FAF2: variants seen among roughly 807,000 people sequenced by gnomAD.
The protein encoded by FAF2 is Fas associated factor family member 2.
A neutral mutation model predicts 62.3 loss-of-function variants in FAF2; 9 were observed. That is an observed-to-expected ratio of 0.14 (90% CI 0.09 to 0.25). FAF2 has a LOEUF of 0.25. FAF2 is among the 10% of genes least tolerant of loss of function. The probability of loss-of-function intolerance (pLI) is 1.00; values close to 1 mark genes in which losing one functional copy is unlikely to be tolerated. For synonymous variants in FAF2, 202 were observed against 198.0 expected, an observed-to-expected ratio of 1.02 and a Z score of -0.17; for missense variants, 368 against 556.2, an observed-to-expected ratio of 0.66 and a Z score of 3.40.
chr5:176,482,366 C>T (rs1758795286), intron 2 of FAF2, among the ~76,000 whole-genome samples: 1 of 152,008 alleles, frequency 6.6e-6, no homozygotes, highest in Admixed American at 6.6e-5. Context: ...TACAGGTGTC[C>T]CATGCCCGGC....
chr5:176,467,678 C>T (rs1365176908), intron 1 of FAF2, among the ~76,000 whole-genome samples: 1 of 152,190 alleles, frequency 6.6e-6, no homozygotes, highest in Admixed American at 6.5e-5. Flanking sequence ...CTTTATTAAG[C>T]ACTTACTGTA....
At chr5:176,501,119 TA>T (rs990160029) in intron 10 of FAF2, among the ~76,000 whole-genome samples, 96 of 143,486 alleles carry the variant, frequency 6.7e-4, no homozygotes, top group African/African-American at 6.3e-4. Flanking sequence ...AGAGACCCTG[TA>T]AAAAAAAAAA....
chr5:176,494,113 T>C lies in FAF2; in HGVS notation c.569+29T>C, dbSNP rs748708546. The C allele has an allele frequency of 6.2e-7, 1 of 1,611,294 alleles. No homozygotes were observed. Among genetic ancestry groups the C allele is most frequent in the Non-Finnish European group, 8.5e-7 (1 of 1,177,504 alleles). ...AGTGGATTGATTATTTTCCTTCTCT[T>C]TTCTGACTCTTTCTGGTGACAGTTT... On this transcript the variant is annotated intron_variant, in intron 6 of 10. Transcript: ENST00000261942. The surrounding 1 kb of genome is among the most constrained non-coding windows in gnomAD (Gnocchi z 4.0).
At chr5:176,462,848 G>A (rs1581469975) in intron 1 of FAF2, among the ~76,000 whole-genome samples, 1 of 152,118 alleles carries the variant, frequency 6.6e-6, no homozygotes, top group East Asian at 1.9e-4. Context: ...GAAGGGGTGA[G>A]GGATGGGCAG....
intron 1 of FAF2, among the ~76,000 whole-genome samples, chr5:176,477,812 C>G (rs1758729769): frequency 1.3e-5 from 2 of 152,100 alleles, no homozygotes; most frequent in Admixed American, 6.6e-5. Context: ...ATGTGCCTGT[C>G]CGTGGCCATG....
chr5:176,490,704 C>T (rs145400810), intron 4 of FAF2, among the ~76,000 whole-genome samples: 172 of 152,238 alleles, frequency 1.1e-3, no homozygotes, highest in African/African-American at 3.5e-3. Context: ...CTTTCCATCC[C>T]CATTTTATTT....
At chr5:176,492,169 G>A (rs1758981919) in intron 4 of FAF2, 25 bp from the exon 5 acceptor site, 3 of 1,613,852 alleles carry the variant, frequency 1.9e-6, no homozygotes, top group Non-Finnish European at 2.5e-6. Context: ...CTGGATTCAT[G>A]TGATATTTAT....
At chr5:176,459,754 G>T (rs1205398269) in intron 1 of FAF2, among the ~76,000 whole-genome samples, 1 of 151,974 alleles carries the variant, frequency 6.6e-6, no homozygotes, top group Non-Finnish European at 1.5e-5. Context: ...TAGATGAGGG[G>T]GTACATGTGT....
chr5:176,502,971 C>A (rs1321642822), intron 10 of FAF2, among the ~76,000 whole-genome samples: 3 of 151,754 alleles, frequency 2.0e-5, no homozygotes, highest in African/African-American at 7.3e-5. Flanking sequence ...TTGCTTGAAC[C>A]CGGGAGGCAG....
intron 3 of FAF2, among the ~76,000 whole-genome samples, chr5:176,487,119 C>G (rs971482405): frequency 2.0e-5 from 3 of 152,176 alleles, no homozygotes; most frequent in African/African-American, 7.2e-5. Context: ...AAAACACTCC[C>G]TTTAACATTG....
At chr5:176,457,145 T>C (rs1184807136) in intron 1 of FAF2, among the ~76,000 whole-genome samples, 1 of 152,172 alleles carries the variant, frequency 6.6e-6, no homozygotes, top group Non-Finnish European at 1.5e-5. Flanking sequence ...CAGATAGTCT[T>C]TTAGAAGTAG....
intron 1 of FAF2, among the ~76,000 whole-genome samples, chr5:176,478,874 T>C (rs1378843511): frequency 1.3e-5 from 2 of 152,348 alleles, no homozygotes; most frequent in East Asian, 3.9e-4. Context: ...TTAAATAATA[T>C]TTTGCTTAGC....
chr5:176,489,429 C>G (rs148096177), intron 4 of FAF2, among the ~76,000 whole-genome samples: 1 of 152,140 alleles, frequency 6.6e-6, no homozygotes, highest in African/African-American at 2.4e-5. Flanking sequence ...CCTGACTACT[C>G]ACAATCCCAA....
intron 2 of FAF2, among the ~76,000 whole-genome samples, chr5:176,483,860 AGGTC>A (rs1268127475): frequency 6.6e-6 from 1 of 152,140 alleles, no homozygotes; most frequent in Non-Finnish European, 1.5e-5. Context: ...GTGGATCACG[AGGTC>A]GGGAATTTAA....
At chr5:176,468,140 G>A (rs1758504795) in intron 1 of FAF2, among the ~76,000 whole-genome samples, 1 of 152,180 alleles carries the variant, frequency 6.6e-6, no homozygotes, top group Admixed American at 6.5e-5. Context: ...ACTCCAGCCT[G>A]GACGACAAGA....
intron 1 of FAF2, among the ~76,000 whole-genome samples, chr5:176,475,336 T>C (rs1171340526): frequency 6.6e-6 from 1 of 152,050 alleles, no homozygotes; most frequent in Non-Finnish European, 1.5e-5. Flanking sequence ...TTTCTCTATA[T>C]TGGCCAGGCT....
At chr5:176,451,875 C>CACACATAT (rs1561813620) in intron 1 of FAF2, among the ~76,000 whole-genome samples, 1 of 24,108 alleles carries the variant, frequency 4.1e-5, no homozygotes, top group African/African-American at 1.5e-4. Context: ...TATATACACA[C>CACACATAT]ATATATATAT....
At chr5:176,467,458 G>A (rs895064213) in intron 1 of FAF2, among the ~76,000 whole-genome samples, 3 of 152,028 alleles carry the variant, frequency 2.0e-5, no homozygotes, top group Non-Finnish European at 4.4e-5. Flanking sequence ...AGCCACCCGA[G>A]TAGCTAGAGA....
rs1268958214 is a variant in FAF2, at chr5:176,448,432, C to T, written c.25C>T (p.Leu9=). 3.1e-6 allele frequency: 5 copies of T among 1,607,566 alleles called. No homozygotes were observed. The highest frequency in any genetic ancestry group is 1.7e-5 in the Admixed American group (1 of 58,986). The change falls in exon 1 of 11, where the codon CTA becomes TTA. Residue 9 remains leucine (L), a synonymous_variant. Transcript: ENST00000261942. ...AATGGCGGCGCCTGAGGAGCGGGAT[C>T]TAACCCAGGAGCAGACAGAGAAGCT... is the stretch of plus-strand genomic sequence containing the variant. The part of the protein sequence containing the change: MAAPEERD[L]TQEQTEKLLQ...
Sources: gnomAD v4.1 joint callset for allele counts (sites outside exome capture counted in the v4.1 genomes callset) on GRCh38, gnomAD v4.1.1 for gene constraint, Gnocchi (gnomAD v3.1) non-coding constraint, MANE v1.5 for transcripts, NCBI Gene and HGNC (gene_info 2026-07-23, HGNC 2026-07-21) for gene names.